KCNIP1: variants seen among roughly 807,000 people sequenced by gnomAD.
KCNIP1 encodes the protein A-type potassium channel modulatory protein KCNIP1.
A neutral mutation model predicts 33.0 loss-of-function variants in KCNIP1; 18 were observed. That is an observed-to-expected ratio of 0.55 (90% CI 0.38 to 0.81). KCNIP1 has a LOEUF of 0.81. KCNIP1 is among the 30% of genes least tolerant of loss of function. The probability of loss-of-function intolerance (pLI) is 0.00; values close to 1 mark genes in which losing one functional copy is unlikely to be tolerated. For synonymous variants in KCNIP1, 93 were observed against 98.3 expected (o/e 0.95, Z 0.32); for missense variants, 238 against 271.6 (o/e 0.88, Z 0.87).
At chr5:170,385,680 C>T (rs7717499) in intron 1 of KCNIP1, among the ~76,000 whole-genome samples, 4 of 142,698 alleles carry the variant, frequency 2.8e-5, no homozygotes, top group Non-Finnish European at 6.1e-5. Flanking sequence ...AAAAGACCTA[C>T]GGCTCAGAGA....
intron 1 of KCNIP1, among the ~76,000 whole-genome samples, chr5:170,699,835 TGA>T (rs1763030760): frequency 6.6e-6 from 1 of 152,122 alleles, no homozygotes; most frequent in African/African-American, 2.4e-5. Context: ...TCGATTGCCA[TGA>T]GTCAGCAAGG....
At chr5:170,583,628 A>G (rs1436559515) in intron 1 of KCNIP1, among the ~76,000 whole-genome samples, 2 of 152,248 alleles carry the variant, frequency 1.3e-5, no homozygotes, top group African/African-American at 4.8e-5. Context: ...TTTGGGGCAC[A>G]AAATGATCTT....
chr5:170,450,738 C>T (rs1156377562), intron 1 of KCNIP1, among the ~76,000 whole-genome samples: 1 of 152,212 alleles, frequency 6.6e-6, no homozygotes, highest in Non-Finnish European at 1.5e-5. Flanking sequence ...CTCTGGCCAA[C>T]TTCTATCGGT....
intron 1 of KCNIP1, chr5:170,422,139 G>A (rs1038277941): frequency 1.3e-5 from 2 of 152,192 alleles, no homozygotes; most frequent in African/African-American, 4.8e-5. Flanking sequence ...AGTCTTCCCA[G>A]GAGAGACATG....
At position 170,579,879 on chromosome 5, in the gene KCNIP1, G is replaced by C. The variant is rs138384410; in HGVS notation, c.61+75246G>C. 2.8e-4 allele frequency among the ~76,000 whole-genome samples: 43 copies of C among 151,870 alleles called. No homozygotes were observed. In the East Asian group the frequency reaches 5.6e-3, roughly 20 times the overall value. Reference sequence around the variant, plus strand: ...ATCTTCTCTGATCCCTTGCCTGAGTGGGGGGTGGCATTCCAAAAGCTCATT... The same window carrying C: ...ATCTTCTCTGATCCCTTGCCTGAGTCGGGGGTGGCATTCCAAAAGCTCATT... On this transcript the variant is annotated intron_variant, in intron 1 of 7. Transcript: ENST00000328939.
chr5:170,565,227 G>C (rs1259484561), intron 1 of KCNIP1, among the ~76,000 whole-genome samples: 2 of 152,060 alleles, frequency 1.3e-5, no homozygotes, highest in Non-Finnish European at 2.9e-5. Context: ...ATCTCTATTA[G>C]AGATGGGGAC....
At chr5:170,543,416 A>G (rs1485489298) in intron 1 of KCNIP1, among the ~76,000 whole-genome samples, 1 of 152,214 alleles carries the variant, frequency 6.6e-6, no homozygotes, top group Non-Finnish European at 1.5e-5. Context: ...AAGCACAAAA[A>G]TAAGTCTTTT....
At chr5:170,445,849 T>A (rs1337778180) in intron 1 of KCNIP1, among the ~76,000 whole-genome samples, 1 of 152,136 alleles carries the variant, frequency 6.6e-6, no homozygotes, top group African/African-American at 2.4e-5. Context: ...TTGGGCAACA[T>A]TGTTCCTTCA....
intron 1 of KCNIP1, among the ~76,000 whole-genome samples, chr5:170,468,617 T>A (rs10035276): frequency 0.28 from 42,356 of 151,924 alleles, 6,988 homozygotes; most frequent in African/African-American, 0.45. Flanking sequence ...GCAGTGGCTC[T>A]CTCCTGTAAT....
At chr5:170,612,818 C>T (rs531975632) in intron 1 of KCNIP1, among the ~76,000 whole-genome samples, 48 of 152,256 alleles carry the variant, frequency 3.2e-4, no homozygotes, top group African/African-American at 1.2e-3. Flanking sequence ...TCCTGCCCTT[C>T]CCCCAAGTGG....
intron 1 of KCNIP1, among the ~76,000 whole-genome samples, chr5:170,396,263 ATCT>A (rs1409727067): frequency 6.6e-6 from 1 of 152,198 alleles, no homozygotes; most frequent in Non-Finnish European, 1.5e-5. Context: ...CAGCAGGAGA[ATCT>A]TCTTGAGAGG....
chr5:170,396,344 T>C (rs1754762715), intron 1 of KCNIP1, among the ~76,000 whole-genome samples: 1 of 152,196 alleles, frequency 6.6e-6, no homozygotes, highest in African/African-American at 2.4e-5. Flanking sequence ...CTCACTCTCC[T>C]GGAATGTGTT....
chr5:170,568,648 T>TAAAAAAAAAAAAAAA (rs33992187), intron 1 of KCNIP1, among the ~76,000 whole-genome samples: 8 of 43,730 alleles, frequency 1.8e-4, no homozygotes, highest in East Asian at 9.3e-4. Context: ...CCGTTTCTAC[T>TAAAAAAAAAAAAAAA]AAAAAAAAAA....
At chr5:170,658,945 G>A (rs1263835792) in intron 1 of KCNIP1, among the ~76,000 whole-genome samples, 2 of 152,116 alleles carry the variant, frequency 1.3e-5, no homozygotes, top group Admixed American at 6.5e-5. Context: ...GACAGATCAC[G>A]AGCAGCCATC....
intron 1 of KCNIP1, among the ~76,000 whole-genome samples, chr5:170,554,364 G>A (rs777826997): frequency 2.0e-5 from 3 of 152,152 alleles, no homozygotes; most frequent in Admixed American, 6.5e-5. Flanking sequence ...AGACTTGCTC[G>A]ATGTTTATTT....
intron 1 of KCNIP1, among the ~76,000 whole-genome samples, chr5:170,601,531 T>C (rs1031721070): frequency 6.6e-6 from 1 of 152,060 alleles, no homozygotes; most frequent in Non-Finnish European, 1.5e-5. Flanking sequence ...TTAATCCCAA[T>C]AGGACACATG....
At chr5:170,603,790 C>T (rs1334109249) in intron 1 of KCNIP1, among the ~76,000 whole-genome samples, 1 of 152,178 alleles carries the variant, frequency 6.6e-6, no homozygotes, top group Non-Finnish European at 1.5e-5. Context: ...ACATGGAGCC[C>T]AGATCCGGCA....
Position 170,356,220 on chromosome 5 carries a change from T to C in KCNIP1, c.88+2256T>C, listed in dbSNP as rs1225716669. Reference sequence around the variant, plus strand: ...TCTGATTTTAATTTGATTTCACTTATTCATTATTCATTGCACTGAGTTCTA... The same window carrying C: ...TCTGATTTTAATTTGATTTCACTTACTCATTATTCATTGCACTGAGTTCTA... On this transcript the variant is annotated intron_variant, in intron 1 of 7. Transcript: ENST00000377360. Among the ~76,000 whole-genome samples, 3 of 152,360 alleles carry C rather than the reference T, an allele frequency of 2.0e-5. No individual in the cohort carries two copies. In the East Asian group the frequency reaches 5.8e-4, roughly 29 times the overall value.
chr5:170,503,988 G>C, upstream of KCNIP1: 611 of 454,456 alleles, frequency 1.3e-3, no homozygotes, highest in Non-Finnish European at 1.6e-3. Context: ...TTGCCCGCCC[G>C]CCGCCCCCTC....
Sources: gnomAD v4.1 joint callset for allele counts (sites outside exome capture counted in the v4.1 genomes callset) on GRCh38, gnomAD v4.1.1 for gene constraint, MANE v1.5 for transcripts, NCBI Gene and HGNC (gene_info 2026-07-23, HGNC 2026-07-21) for gene names.